MYOCD: variants seen among roughly 807,000 people sequenced by gnomAD.
MYOCD encodes myocardin.
MYOCD carries 32 observed loss-of-function variants against 96.1 expected under a neutral mutation model. The ratio of observed to expected loss-of-function variants is 0.33; its 90% CI spans 0.25 to 0.45. The LOEUF (loss-of-function observed/expected upper bound fraction) is 0.45. Ranked by LOEUF, MYOCD falls within the 20% of genes least tolerant of loss-of-function variation. The probability of loss-of-function intolerance (pLI) is 1.00; values close to 1 mark genes in which losing one functional copy is unlikely to be tolerated. For missense variants in MYOCD, 1,133 were observed against 1,200.6 expected (o/e 0.94, Z 0.83); for synonymous variants, 469 against 469.0 (o/e 1.00, Z 0.00).
chr17:12,768,848 A>T lies in MYOCD; in HGVS notation c.*5204A>T, dbSNP rs1289756285. On this transcript the variant is annotated 3_prime_UTR_variant, in exon 14 of 14. Transcript: ENST00000425538. Reference sequence around the variant, plus strand: ...AAGAAATGTGGGTTATTGGGAAGAGACAAAAAGCAGTGGCTAAAATACCAA... The same window carrying T: ...AAGAAATGTGGGTTATTGGGAAGAGTCAAAAAGCAGTGGCTAAAATACCAA... The T allele has an allele frequency of 6.6e-6, 1 of 151,916 alleles. No homozygotes were observed. Among genetic ancestry groups the T allele is most frequent in the Non-Finnish European group, 1.5e-5 (1 of 67,974 alleles). 9.4% of individuals were successfully genotyped at this position (151,916 alleles called of 1,614,324 possible).
rs760781454 is a variant in MYOCD at position 12,756,454 on chromosome 17, C to A, written c.2099C>A (p.Pro700His). The change falls in exon 11 of 14, where the codon CCC (proline) becomes CAC (histidine). Residue 700 changes from proline (P) to histidine (H), a missense_variant. Coordinates refer to ENST00000425538, the MANE Select transcript of MYOCD (RefSeq NM_001146312.3). ...GATGGCCATCCTCCAAGCTTCTCTC[C>A]CCATTCTTCCAGCCTCCACCCGCCC... ...AHDGHPPSFS[P>H]HSSSLHPPFS... is the part of the protein sequence containing the mutation. 2.2e-5 allele frequency: 34 copies of A among 1,551,936 alleles called. No homozygotes were observed. The South Asian group carries it at 3.8e-4, about 17-fold the overall frequency.
chr17:12,723,470 C>T (rs1345225915), intron 5 of MYOCD, among the ~76,000 whole-genome samples: 1 of 152,208 alleles, frequency 6.6e-6, no homozygotes, highest in Non-Finnish European at 1.5e-5. Context: ...CTACCCAGCT[C>T]ACAGGCTCCT....
chr17:12,719,198 A>AAAAAAAAAAAAAAAAAAAC, intron 4 of MYOCD, among the ~76,000 whole-genome samples: 1 of 143,006 alleles, frequency 7.0e-6, no homozygotes, highest in Non-Finnish European at 1.6e-5. Context: ...AAAAAAAAAA[A>AAAAAAAAAAAAAAAAAAAC]AAAAAAGACA....
intron 9 of MYOCD, among the ~76,000 whole-genome samples, chr17:12,751,726 C>A (rs928336830): frequency 6.6e-6 from 1 of 152,164 alleles, no homozygotes; most frequent in African/African-American, 2.4e-5. Flanking sequence ...GAGTTAGTAA[C>A]AGACAGGGCC....
At chr17:12,693,933 T>C (rs2030609984) in intron 1 of MYOCD, among the ~76,000 whole-genome samples, 2 of 152,088 alleles carry the variant, frequency 1.3e-5, no homozygotes, top group African/African-American at 4.8e-5. Context: ...AATGTCAGAA[T>C]CATGAGAGAG....
intron 3 of MYOCD, 39 bp from the exon 4 acceptor site, chr17:12,717,307 A>C: frequency 6.7e-7 from 1 of 1,495,406 alleles, no homozygotes; most frequent in Non-Finnish European, 9.2e-7. Flanking sequence ...GTTTTTTAAA[A>C]GGTAAAACTA....
intron 1 of MYOCD, among the ~76,000 whole-genome samples, chr17:12,667,880 G>T (rs1567563573): frequency 6.6e-6 from 1 of 152,084 alleles, no homozygotes; most frequent in South Asian, 2.1e-4. Context: ...AAGTTGTGCA[G>T]GCTTTTGTGT....
intron 1 of MYOCD, among the ~76,000 whole-genome samples, chr17:12,703,774 T>C (rs2150672247): frequency 6.6e-6 from 1 of 152,198 alleles, no homozygotes; most frequent in African/African-American, 2.4e-5. Context: ...CTTTTTTCTC[T>C]CTCTTCTTCA....
At chr17:12,700,538 C>T (rs530433654) in intron 1 of MYOCD, among the ~76,000 whole-genome samples, 37 of 150,322 alleles carry the variant, frequency 2.5e-4, no homozygotes, top group Admixed American at 7.3e-4. Flanking sequence ...CTCAGCCTCC[C>T]GAGTAGCTGG....
chr17:12,758,905 T>C (rs2033090926), intron 12 of MYOCD, among the ~76,000 whole-genome samples: 1 of 151,726 alleles, frequency 6.6e-6, no homozygotes, highest in Non-Finnish European at 1.5e-5. Context: ...AAAAATTAGC[T>C]GGGTGTGGTG....
chr17:12,701,663 T>C (rs1286437046), intron 1 of MYOCD, among the ~76,000 whole-genome samples: 2 of 152,168 alleles, frequency 1.3e-5, no homozygotes, highest in East Asian at 3.8e-4. Context: ...ATATAAGTAT[T>C]TAAAACTCTA....
At chr17:12,736,781 C>T (rs1221377113) in intron 6 of MYOCD, among the ~76,000 whole-genome samples, 2 of 152,166 alleles carry the variant, frequency 1.3e-5, no homozygotes, top group Admixed American at 1.3e-4. Context: ...AACGCTGGCT[C>T]TCTCCAAGGC....
Position 12,764,398 on chromosome 17 carries a change from C to T in MYOCD, c.*754C>T, listed in dbSNP as rs530956578. ...CATCTCTGTGCTGATAAGTACGTGT[C>T]CTAGATGAGAACCCTGAAGAATGCA... is the stretch of plus-strand genomic sequence containing the variant. On this transcript the variant is annotated 3_prime_UTR_variant, in exon 14 of 14. Transcript: ENST00000425538. 1 of 152,272 alleles carries T rather than the reference C, an allele frequency of 6.6e-6. No homozygotes were observed. The highest frequency in any genetic ancestry group is 1.5e-5 in the Non-Finnish European group (1 of 68,122). The allele number at this position is 152,272 out of a possible 1,614,324, so 9.4% of individuals were successfully genotyped here.
rs1467810705 is a variant in MYOCD, at chr17:12,752,563, C to T, written c.1275C>T (p.Val425=). The T allele has an allele frequency of 6.2e-7, 1 of 1,614,154 alleles. No homozygotes were observed. The highest frequency in any genetic ancestry group is 8.5e-7 in the Non-Finnish European group (1 of 1,180,040). The change falls in exon 10 of 14, where the codon GTC becomes GTT. Residue 425 remains valine, a synonymous_variant. Coordinates refer to ENST00000425538, the MANE Select transcript of MYOCD (RefSeq NM_001146312.3). ...ATATAACGACTGTCACTTTTCCTGTCACACCCAACACGCTGCCCAATTACC... is the reference window on the plus strand; with the variant it reads ...ATATAACGACTGTCACTTTTCCTGTTACACCCAACACGCTGCCCAATTACC... ...FGDITTVTFP[V]TPNTLPNYQS...
At chr17:12,691,816 T>G (rs2030462923) in intron 1 of MYOCD, among the ~76,000 whole-genome samples, 1 of 152,198 alleles carries the variant, frequency 6.6e-6, no homozygotes, top group Non-Finnish European at 1.5e-5. Flanking sequence ...CTGCCTAAGT[T>G]TATAACTCTA....
intron 4 of MYOCD, among the ~76,000 whole-genome samples, chr17:12,719,978 G>C (rs2031781904): frequency 6.6e-6 from 1 of 151,868 alleles, no homozygotes; most frequent in South Asian, 2.1e-4. Context: ...CTGACAGAAA[G>C]CAGTCTGAAA....
intron 13 of MYOCD, chr17:12,761,634 C>CACACACACAT (rs2033177337): frequency 7.3e-6 from 1 of 136,354 alleles, no homozygotes; most frequent in Non-Finnish European, 1.6e-5. Context: ...CACACACACA[C>CACACACACAT]ACATTTTTGA....
chr17:12,680,987 A>G (rs1307915031), intron 1 of MYOCD, among the ~76,000 whole-genome samples: 1 of 152,214 alleles, frequency 6.6e-6, no homozygotes, highest in Non-Finnish European at 1.5e-5. Flanking sequence ...TCCTTACAGC[A>G]ATCCTGTAAG....
chr17:12,688,392 C>G (rs1361010858), intron 1 of MYOCD, among the ~76,000 whole-genome samples: 1 of 152,254 alleles, frequency 6.6e-6, no homozygotes, highest in African/African-American at 2.4e-5. Context: ...GAAATTCTTA[C>G]AGCAAATCGT....
Sources: gnomAD v4.1 joint callset for allele counts (sites outside exome capture counted in the v4.1 genomes callset) on GRCh38, gnomAD v4.1.1 for gene constraint, MANE v1.5 for transcripts, NCBI Gene and HGNC (gene_info 2026-07-23, HGNC 2026-07-21) for gene names.